The following TRAPPC14 variants were observed in gnomAD, a reference collection of about 807,000 sequenced individuals.
TRAPPC14 encodes the protein trafficking protein particle complex subunit 14.
Under a neutral mutation model 56.6 loss-of-function variants are expected in TRAPPC14, and 24 were observed. The observed-to-expected ratio is 0.42, with a 90% confidence interval of 0.31 to 0.60. The LOEUF is 0.60. Ranked by LOEUF, TRAPPC14 falls within the 20% of genes least tolerant of loss-of-function variation. TRAPPC14 has a pLI of 0.14. For missense variants in TRAPPC14, 615 were observed against 790.3 expected (o/e 0.78, Z 2.66); for synonymous variants, 377 against 347.0 (o/e 1.09, Z -0.96).
In TRAPPC14 at chr7:100,157,723, C is replaced by G. The variant is rs1798913354; in HGVS notation, c.547G>C (p.Glu183Gln). ...CGCAGGTAGCCTTGATCTCTGACCT[C>G]TGGTGCCTCAATCTCCCGCTTCCAC... The part of the protein sequence containing the change: ...TVWKREIEAP[E>Q]VRDQGYLRLL... Residue 183 changes from glutamate to glutamine, a missense_variant, in exon 3 of 11, where the codon GAG becomes CAG. Physicochemically the swap from Glu to Gln is conservative, Grantham distance 29. Coordinates refer to ENST00000316937, the MANE Select transcript of TRAPPC14 (RefSeq NM_018275.5). 6.2e-7 allele frequency: 1 copy of G among 1,614,238 alleles called. No individual in the cohort carries two copies. Among genetic ancestry groups the G allele is most frequent in the Non-Finnish European group, 8.5e-7 (1 of 1,180,040 alleles).
In TRAPPC14 at chr7:100,155,047, G is replaced by C. The variant is rs748740261; in HGVS notation, c.1707C>G (p.Arg569=). Residue 569 remains arginine, a synonymous_variant, in exon 11 of 11, where the codon CGC becomes CGG. Transcript: ENST00000316937. ...GTTCCACCACCAGGACCTTGCACTCGCGCTTGGCAATCTTGTCCAGAGACA... is the reference window on the plus strand; with the variant it reads ...GTTCCACCACCAGGACCTTGCACTCCCGCTTGGCAATCTTGTCCAGAGACA... ...AVLSLDKIAK[R]ECKVLVVEPV... is the part of the protein sequence containing the mutation. 3 of 1,614,112 alleles carry C rather than the reference G, an allele frequency of 1.9e-6. No individual in the cohort carries two copies. Among genetic ancestry groups the C allele is most frequent in the East Asian group, 4.5e-5 (2 of 44,884 alleles).
chr7:100,155,245 G>GC lies in TRAPPC14; in HGVS notation c.1589+16dup, dbSNP rs980236637. 5 of 1,581,658 alleles carry GC rather than the reference G, an allele frequency of 3.2e-6. No individual in the cohort carries two copies. The Admixed American group carries it at 9.2e-5, about 29-fold the overall frequency. On this transcript the variant is annotated intron_variant, in intron 10 of 10. Coordinates refer to ENST00000316937, the MANE Select transcript of TRAPPC14 (RefSeq NM_018275.5). The stretch of plus-strand genomic sequence containing the variant: ...CATCCTCTACCCGGTCCCATGCCAC[G>GC]CCCCCTGGTTCTGTACCTCATGAGG...
At position 100,157,362 on chromosome 7, in the gene TRAPPC14, G is replaced by A. The variant is rs754150707; in HGVS notation, c.724+11C>T. The A allele has an allele frequency of 1.1e-5, 17 of 1,613,820 alleles. No individual in the cohort carries two copies. Among genetic ancestry groups the A allele is most frequent in the Non-Finnish European group, 1.4e-5 (17 of 1,179,846 alleles). On this transcript the variant is annotated intron_variant, in intron 4 of 10. Transcript: ENST00000316937. ...TTGCTCCCGGAGGCTGGAGCCGGCA[G>A]CCCTGCTTACCCTTGAGCACGGTCA... is the stretch of plus-strand genomic sequence containing the variant.
At chr7:100,157,505 C>A in intron 3 of TRAPPC14, 46 bp from the exon 4 acceptor site, 1 of 1,602,078 alleles carries the variant, frequency 6.2e-7, no homozygotes. Flanking sequence ...GGAGGCTGAC[C>A]TCACCTCCAA....
chr7:100,156,114 C>T (rs1798874894), intron 8 of TRAPPC14, among the ~76,000 whole-genome samples: 1 of 152,226 alleles, frequency 6.6e-6, no homozygotes, highest in Non-Finnish European at 1.5e-5. Flanking sequence ...CAAGGTCACA[C>T]AGCTAGTAAA....
At chr7:100,156,579 G>T in intron 7 of TRAPPC14, 30 bp from the exon 8 acceptor site, 4 of 1,613,054 alleles carry the variant, frequency 2.5e-6, no homozygotes, top group Non-Finnish European at 3.4e-6. Flanking sequence ...GATGCTGGCT[G>T]TGTGTGTCAG....
rs1798828030 is a variant in TRAPPC14 at position 100,154,500 on chromosome 7, A to G, written c.*511T>C. 1 of 173,794 alleles carries G rather than the reference A, an allele frequency of 5.8e-6. No individual in the cohort carries two copies. Among genetic ancestry groups the G allele is most frequent in the Admixed American group, 5.6e-5 (1 of 17,818 alleles). The allele number at this position is 173,794 out of a possible 1,614,324, so 10.8% of individuals were successfully genotyped here. A position where few individuals can be genotyped will look rare whatever the true frequency, so the allele number is the denominator to read the frequency against. ...GAAAATAAGTTACAGGAACAGACCA[A>G]AAAAAAAAAAATTAAAGTGCTTCAG... On this transcript the variant is annotated 3_prime_UTR_variant, in exon 11 of 11. Coordinates refer to ENST00000316937, the MANE Select transcript of TRAPPC14 (RefSeq NM_018275.5).
chr7:100,156,241 T>C, intron 8 of TRAPPC14, 145 bp downstream of exon 8: 2 of 743,780 alleles, frequency 2.7e-6, no homozygotes, highest in South Asian at 3.5e-5. Context: ...ACCACCCAGG[T>C]ACAGGGCGGA....
In TRAPPC14 at chr7:100,155,212, G is replaced by A. The variant is rs752787092; in HGVS notation, c.1590-48C>T. 31 of 1,604,000 alleles carry A rather than the reference G, an allele frequency of 1.9e-5. No individual in the cohort carries two copies. In the South Asian group the frequency reaches 2.5e-4, roughly 13 times the overall value. ...GGCGCTGGTCAGACCCGGCACCCTC[G>A]CTGCTCCCATCCTCTACCCGGTCCC... On this transcript the variant is annotated intron_variant, in intron 10 of 10. Transcript: ENST00000316937.
chr7:100,156,374 C>T lies in TRAPPC14; in HGVS notation c.1240+12G>A. The stretch of plus-strand genomic sequence containing the variant: ...CCCTGGGGACCAAATTCCTACCTGG[C>T]AGCTGACCTACCAGCCTGTGCATGC... On this transcript the variant is annotated intron_variant, in intron 8 of 10. Coordinates refer to ENST00000316937, the MANE Select transcript of TRAPPC14 (RefSeq NM_018275.5). 6.2e-7 allele frequency: 1 copy of T among 1,612,680 alleles called. No individual in the cohort carries two copies. The highest frequency in any genetic ancestry group is 8.5e-7 in the Non-Finnish European group (1 of 1,178,896).
In TRAPPC14 at chr7:100,155,319, C is replaced by T. The variant is rs1798853427; in HGVS notation, c.1532G>A (p.Ser511Asn). The part of the protein sequence containing the change: ...VRDLVERHQA[S>N]LGRSQSFSHQ... Reference sequence around the variant, plus strand: ...GGAGAAGGACTGGGAGCGGCCCAGGCTAGCCTGATGCCTCTCCACCAAGTC... The same window carrying T: ...GGAGAAGGACTGGGAGCGGCCCAGGTTAGCCTGATGCCTCTCCACCAAGTC... Residue 511 changes from serine to asparagine, a missense_variant, in exon 10 of 11, where the codon AGC becomes AAC. Ser to Asn is a conservative substitution (Grantham distance 46). Transcript: ENST00000316937. 6.4e-7 allele frequency: 1 copy of T among 1,553,934 alleles called. No homozygotes were observed. The highest frequency in any genetic ancestry group is 1.4e-5 in the African/African-American group (1 of 73,286).
chr7:100,155,202 C>A, intron 10 of TRAPPC14, 38 bp from the exon 11 acceptor site: 1 of 1,606,668 alleles, frequency 6.2e-7, no homozygotes. Flanking sequence ...TGGTCAGACC[C>A]GGCACCCTCG....
intron 8 of TRAPPC14, 104 bp downstream of exon 8, chr7:100,156,282 G>A (rs933118559): frequency 1.9e-5 from 23 of 1,219,658 alleles, no homozygotes; most frequent in Admixed American, 4.2e-5. Context: ...CTCCTGTGAT[G>A]GGGCTGGCAC....
Position 100,158,376 on chromosome 7 carries a change from C to A in TRAPPC14, c.124G>T (p.Glu42Ter). 1.3e-6 allele frequency: 2 copies of A among 1,486,184 alleles called. No individual in the cohort carries two copies. The highest frequency in any genetic ancestry group is 1.8e-6 in the Non-Finnish European group (2 of 1,120,624). The allele number at this position is 1,486,184 out of a possible 1,614,324, so 92.1% of individuals were successfully genotyped here. A position where few individuals can be genotyped will look rare whatever the true frequency, so the allele number is the denominator to read the frequency against. Residue 42 changes from glutamate to a stop codon, truncating the protein, a stop_gained, in exon 1 of 11, where the codon GAG becomes TAG. Transcript: ENST00000316937. LOFTEE classifies it high-confidence loss of function. ...AACACCAGCAGAAAACGGACAGTCTCCCCCAAGTACAGATGGTTGCGCCGG... is the reference window on the plus strand; with the variant it reads ...AACACCAGCAGAAAACGGACAGTCTACCCCAAGTACAGATGGTTGCGCCGG... ...LPRRNHLYLG[E>*]TVRFLLVLRC...
At chr7:100,155,527 C>T in intron 9 of TRAPPC14, 72 bp from the exon 10 acceptor site, 2 of 1,509,258 alleles carry the variant, frequency 1.3e-6, no homozygotes, top group Non-Finnish European at 1.8e-6. Context: ...TGGTCTTCCC[C>T]ATGTGACAGA....
rs367588484 is a variant in TRAPPC14, at chr7:100,155,077, A to G, written c.1677T>C (p.Ala559=). The G allele has an allele frequency of 5.6e-6, 9 of 1,613,800 alleles. No homozygotes were observed. Among genetic ancestry groups the G allele is most frequent in the East Asian group, 2.2e-5 (1 of 44,884 alleles). Residue 559 remains alanine, a synonymous_variant, in exon 11 of 11, where the codon GCT becomes GCC. Transcript: ENST00000316937. The part of the protein sequence containing the change: ...GRPLYLPPDK[A]VLSLDKIAKR... ...TGGCAATCTTGTCCAGAGACAACAC[A>G]GCCTTGTCCGGGGGCAGGTAGAGGG... is the stretch of plus-strand genomic sequence containing the variant.
rs902697532 is a variant in TRAPPC14 at position 100,158,437 on chromosome 7, C to T, written c.63G>A (p.Glu21=). The change falls in exon 1 of 11, where the codon GAG becomes GAA. Residue 21 remains glutamate (E), a synonymous_variant. Transcript: ENST00000316937. The part of the protein sequence containing the change: ...FPAVPLPPRA[E]LAGDPGRYRA... ...GGTACCGGCCCGGATCCCCTGCCAG[C>T]TCCGCGCGCGGCGGCAGCGGCACGG... 4 of 1,407,242 alleles carry T rather than the reference C, an allele frequency of 2.8e-6. No homozygotes were observed. Among genetic ancestry groups the T allele is most frequent in the African/African-American group, 3.0e-5 (2 of 66,100 alleles). 87.2% of individuals were successfully genotyped at this position (1,407,242 alleles called of 1,614,324 possible). A position where few individuals can be genotyped will look rare whatever the true frequency, so the allele number is the denominator to read the frequency against.
rs778143450 is a variant in TRAPPC14, at chr7:100,155,048, C to T, written c.1706G>A (p.Arg569His). ...AVLSLDKIAK[R>H]ECKVLVVEPV... ...TTCCACCACCAGGACCTTGCACTCG[C>T]GCTTGGCAATCTTGTCCAGAGACAA... is the stretch of plus-strand genomic sequence containing the variant. The change falls in exon 11 of 11, where the codon CGC becomes CAC. Residue 569 changes from arginine to histidine, a missense_variant. Coordinates refer to ENST00000316937, the MANE Select transcript of TRAPPC14 (RefSeq NM_018275.5). 3.7e-6 allele frequency: 6 copies of T among 1,614,006 alleles called. No homozygotes were observed. Among genetic ancestry groups the T allele is most frequent in the Non-Finnish European group, 3.4e-6 (4 of 1,179,994 alleles).
In TRAPPC14 at chr7:100,154,691, A is replaced by C. The variant is rs1798833917; in HGVS notation, c.*320T>G. ...GGTGGGAAAGAACTCAACGGGAATG[A>C]GGAAGAGACTTTGTAAACTCAGAAC... is the stretch of plus-strand genomic sequence containing the variant. On this transcript the variant is annotated 3_prime_UTR_variant, in exon 11 of 11. Transcript: ENST00000316937. 2.6e-6 allele frequency: 1 copy of C among 390,214 alleles called. No individual in the cohort carries two copies. Among genetic ancestry groups the C allele is most frequent in the Non-Finnish European group, 4.7e-6 (1 of 212,106 alleles). 24.2% of individuals were successfully genotyped at this position (390,214 alleles called of 1,614,324 possible). A position where few individuals can be genotyped will look rare whatever the true frequency, so the allele number is the denominator to read the frequency against.
Sources: gnomAD v4.1 joint callset for allele counts (sites outside exome capture counted in the v4.1 genomes callset) on GRCh38, gnomAD v4.1.1 for gene constraint, MANE v1.5 for transcripts, NCBI Gene and HGNC (gene_info 2026-07-23, HGNC 2026-07-21) for gene names.